YEATS2: variants seen among roughly 807,000 people sequenced by gnomAD.
YEATS2 encodes YEATS domain-containing protein 2.
Under a neutral mutation model 163.2 loss-of-function variants are expected in YEATS2, and 77 were observed. The ratio of observed to expected loss-of-function variants is 0.47; its 90% confidence interval spans 0.39 to 0.57. The LOEUF is 0.57. Ranked by LOEUF, YEATS2 falls within the 20% of genes least tolerant of loss-of-function variation. The pLI is 0.00. For missense variants in YEATS2, 1,549 were observed against 1,729.8 expected (o/e 0.90, Z 1.85); for synonymous variants, 631 against 645.1 (o/e 0.98, Z 0.33).
At chr3:183,808,810 C>G (rs371677475) in intron 29 of YEATS2, 2 of 271,598 alleles carry the variant, frequency 7.4e-6, no homozygotes, top group Middle Eastern at 1.3e-3. Context: ...GAGCCAAGAT[C>G]GCGCCACTGC....
At chr3:183,782,530 TCTC>T (rs1248447065) in intron 19 of YEATS2, among the ~76,000 whole-genome samples, 4 of 152,032 alleles carry the variant, frequency 2.6e-5, no homozygotes, top group African/African-American at 9.7e-5. Flanking sequence ...TTCAAGTGAT[TCTC>T]CTGCCTCAGC....
intron 9 of YEATS2, among the ~76,000 whole-genome samples, chr3:183,750,073 C>A (rs1181075877): frequency 8.6e-5 from 13 of 152,042 alleles, no homozygotes; most frequent in Non-Finnish European, 1.5e-5. Flanking sequence ...ATCTGCCTGC[C>A]TCGGCCTCCC....
At chr3:183,730,104 G>A (rs189492065) in intron 7 of YEATS2, among the ~76,000 whole-genome samples, 4 of 99,176 alleles carry the variant, frequency 4.0e-5, no homozygotes, top group East Asian at 3.5e-4. Flanking sequence ...ACATCCTGTC[G>A]TCCATGCTGG....
In YEATS2 at chr3:183,762,155, G is replaced by T. The variant is rs765323985; in HGVS notation, c.1823G>T (p.Ser608Ile). ...APHVPATGAA[S>I]QSPLPQYVTV... ...CACGTGCCCGCAACAGGAGCTGCCAGCCAGTCACCACTCCCGCAGTATGTG... is the reference window on the plus strand; with the variant it reads ...CACGTGCCCGCAACAGGAGCTGCCATCCAGTCACCACTCCCGCAGTATGTG... The change falls in exon 15 of 31, where the codon AGC (serine) becomes ATC (isoleucine). Residue 608 changes from serine to isoleucine, a missense_variant. Ser to Ile is a moderately radical substitution (Grantham distance 142). Coordinates refer to ENST00000305135, the MANE Select transcript of YEATS2 (RefSeq NM_018023.5). The T allele has an allele frequency of 2.5e-6, 4 of 1,614,058 alleles. No homozygotes were observed. Among genetic ancestry groups the T allele is most frequent in the Non-Finnish European group, 3.4e-6 (4 of 1,180,040 alleles).
chr3:183,807,535 C>T (rs545638295), intron 28 of YEATS2: 61 of 232,778 alleles, frequency 2.6e-4, no homozygotes, highest in African/African-American at 1.1e-3. Flanking sequence ...GTGCAGATGG[C>T]GTGCACCTGC....
intron 27 of YEATS2, among the ~76,000 whole-genome samples, chr3:183,805,356 C>T (rs1476095232): frequency 1.3e-5 from 2 of 151,850 alleles, no homozygotes; most frequent in Non-Finnish European, 2.9e-5. Context: ...GCCATGAGCA[C>T]ACCACTGCAC....
chr3:183,761,148 C>T (rs1251580925), intron 13 of YEATS2, among the ~76,000 whole-genome samples: 2 of 151,742 alleles, frequency 1.3e-5, no homozygotes, highest in Admixed American at 6.6e-5. Context: ...AGTGCAGTGG[C>T]GTGATCTCGG....
At position 183,806,816 on chromosome 3, in the gene YEATS2, C is replaced by T. The variant is rs781280590; in HGVS notation, c.3785-50C>T. 5.6e-6 allele frequency: 9 copies of T among 1,593,570 alleles called. No individual in the cohort carries two copies. In the Admixed American group the frequency reaches 1.5e-4, roughly 27 times the overall value. On this transcript the variant is annotated intron_variant, in intron 27 of 30. Coordinates refer to ENST00000305135, the MANE Select transcript of YEATS2 (RefSeq NM_018023.5). The stretch of plus-strand genomic sequence containing the variant: ...ATGGGTCTCTTGGAGACGGAAAGTC[C>T]TCTTCCGTTGGCCCCACAGCTGTTG...
In YEATS2 at chr3:183,786,238, AG is replaced by A; in HGVS notation, c.2854del (p.Val952LeufsTer35). 1 of 1,614,108 alleles carries A rather than the reference AG, an allele frequency of 6.2e-7. No individual in the cohort carries two copies. Reference protein sequence around the residue: ...PGTTMLRVAGGVITTATSPAV... With the variant: ...PGTTMLRVAGXVITTATSPAV... The stretch of plus-strand genomic sequence containing the variant: ...GAACCACAATGCTGAGAGTAGCAGG[AG>A]GGGTTATCACAACTGCCACTTCCCC... On this transcript the variant is annotated frameshift_variant, in exon 20 of 31. Coordinates refer to ENST00000305135, the MANE Select transcript of YEATS2 (RefSeq NM_018023.5). LOFTEE classifies it high-confidence loss of function.
intron 10 of YEATS2, among the ~76,000 whole-genome samples, 159 bp from the exon 11 acceptor site, chr3:183,753,967 A>C (rs1256815730): frequency 1.3e-5 from 2 of 152,194 alleles, no homozygotes; most frequent in Non-Finnish European, 2.9e-5. Context: ...TATATTTTTC[A>C]CCAAAAATAT....
intron 8 of YEATS2, among the ~76,000 whole-genome samples, chr3:183,746,148 A>C (rs1176719170): frequency 6.6e-6 from 1 of 151,918 alleles, no homozygotes; most frequent in Non-Finnish European, 1.5e-5. Context: ...CTGCAACCTC[A>C]ACCTCCTGGG....
At chr3:183,757,447 C>T (rs555872737) in intron 12 of YEATS2, among the ~76,000 whole-genome samples, 2 of 151,808 alleles carry the variant, frequency 1.3e-5, no homozygotes, top group African/African-American at 4.8e-5. Flanking sequence ...TGCACCACCA[C>T]GCCCAGCTAA....
intron 26 of YEATS2, 90 bp from the exon 27 acceptor site, chr3:183,803,897 G>GT: frequency 7.1e-7 from 1 of 1,411,436 alleles, no homozygotes; most frequent in Non-Finnish European, 9.8e-7. Context: ...AACAGGTTAG[G>GT]TTAGGATGGT....
Position 183,704,005 on chromosome 3 carries a change from G to A in YEATS2, c.-20+6012G>A, listed in dbSNP as rs912977710. 5.3e-5 allele frequency among the ~76,000 whole-genome samples: 8 copies of A among 151,950 alleles called. No homozygotes were observed. The East Asian group carries it at 1.5e-3, about 29-fold the overall frequency. ...ATAAAATAAAATAAAATAAAAAATA[G>A]CCAGATGTGGTGGTGGGTGCCTGCA... On this transcript the variant is annotated intron_variant, in intron 1 of 30. Transcript: ENST00000305135.
intron 1 of YEATS2, among the ~76,000 whole-genome samples, chr3:183,712,629 T>C (rs984948820): frequency 2.6e-5 from 4 of 152,152 alleles, no homozygotes; most frequent in Admixed American, 2.6e-4. Flanking sequence ...TTTCATAGAT[T>C]AACACTGTAA....
At chr3:183,790,351 A>G (rs1457488251) in intron 20 of YEATS2, among the ~76,000 whole-genome samples, 1 of 152,092 alleles carries the variant, frequency 6.6e-6, no homozygotes, top group East Asian at 1.9e-4. Context: ...GCACTTAACC[A>G]TTATGCCGGC....
intron 7 of YEATS2, among the ~76,000 whole-genome samples, chr3:183,733,334 C>G (rs1443882217): frequency 6.6e-6 from 1 of 152,192 alleles, no homozygotes; most frequent in Non-Finnish European, 1.5e-5. Context: ...TGTTTAGATA[C>G]TTGAAAGCAG....
At chr3:183,769,570 C>A (rs1722244092) in intron 15 of YEATS2, among the ~76,000 whole-genome samples, 1 of 152,230 alleles carries the variant, frequency 6.6e-6, no homozygotes, top group Non-Finnish European at 1.5e-5. Context: ...GGTTAAATAA[C>A]TTACCTAGCT....
At chr3:183,710,578 T>TA (rs1476262477) in intron 1 of YEATS2, among the ~76,000 whole-genome samples, 1 of 152,192 alleles carries the variant, frequency 6.6e-6, no homozygotes, top group African/African-American at 2.4e-5. Context: ...AAAAATGAAT[T>TA]ATCTTGGCAG....
Sources: gnomAD v4.1 joint callset for allele counts (sites outside exome capture counted in the v4.1 genomes callset) on GRCh38, gnomAD v4.1.1 for gene constraint, MANE v1.5 for transcripts, NCBI Gene and HGNC (gene_info 2026-07-23, HGNC 2026-07-21) for gene names.